CHPF: variants seen among roughly 807,000 people sequenced by gnomAD.
The protein encoded by CHPF is chondroitin polymerizing factor.
CHPF carries 34 observed loss-of-function variants against 55.1 expected under a neutral mutation model. The observed-to-expected ratio is 0.62, with a 90% CI of 0.47 to 0.82. The LOEUF (loss-of-function observed/expected upper bound fraction) is 0.82. Ranked by LOEUF, CHPF falls within the 40% of genes least tolerant of loss-of-function variation. CHPF has a pLI of 0.00. For missense variants in CHPF, 961 were observed against 1,106.1 expected (o/e 0.87, Z 1.86); for synonymous variants, 489 against 496.6 (o/e 0.98, Z 0.20).
In CHPF at chr2:219,542,205, G is replaced by A; in HGVS notation, c.315-16C>T. On this transcript the variant is annotated splice_polypyrimidine_tract_variant and intron_variant, in intron 1 of 3. Coordinates refer to ENST00000243776, the MANE Select transcript of CHPF (RefSeq NM_024536.6). ...GTAGCGGGTCCTAGGGGAGGAGATG[G>A]CACAAGCTTATCAAAAGGACAACGG... is the stretch of plus-strand genomic sequence containing the variant. 1.2e-5 allele frequency: 4 copies of A among 340,392 alleles called. No individual in the cohort carries two copies. Among genetic ancestry groups the A allele is most frequent in the East Asian group, 1.3e-4 (1 of 7,730 alleles). The allele number at this position is 340,392 out of a possible 1,614,324, so 21.1% of individuals were successfully genotyped here. A position where few individuals can be genotyped will look rare whatever the true frequency, so the allele number is the denominator to read the frequency against.
Position 219,539,105 on chromosome 2 carries a change from G to A in CHPF, c.*278C>T, listed in dbSNP as rs1695203438. On this transcript the variant is annotated 3_prime_UTR_variant, in exon 4 of 4. Transcript: ENST00000243776. ...CCAGAGGCAGGGCTGGCGTCAGGCA[G>A]ACTGTACTGCATAAATACGTGGAGG... 1 of 432,830 alleles carries A rather than the reference G, an allele frequency of 2.3e-6. No homozygotes were observed. The highest frequency in any genetic ancestry group is 4.0e-5 in the Admixed American group (1 of 25,136). The allele number at this position is 432,830 out of a possible 1,614,324, so 26.8% of individuals were successfully genotyped here. A position where few individuals can be genotyped will look rare whatever the true frequency, so the allele number is the denominator to read the frequency against.
In CHPF at chr2:219,540,037, G is replaced by A. The variant is rs1435645235; in HGVS notation, c.1674C>T (p.Ala558=). The change falls in exon 4 of 4, where the codon GCC becomes GCT. Residue 558 remains alanine (A), a synonymous_variant. Coordinates refer to ENST00000243776, the MANE Select transcript of CHPF (RefSeq NM_024536.6). ...TGACAGGTGCGAAGACATCTGCATGGGCCACGCGCTGGGCCTGGCGCGGCT... is the reference window on the plus strand; with the variant it reads ...TGACAGGTGCGAAGACATCTGCATGAGCCACGCGCTGGGCCTGGCGCGGCT... ...LYEPRQAQRV[A]HADVFAPVKA... The A allele has an allele frequency of 6.2e-7, 1 of 1,612,784 alleles. No individual in the cohort carries two copies. Among genetic ancestry groups the A allele is most frequent in the Non-Finnish European group, 8.5e-7 (1 of 1,179,604 alleles).
chr2:219,542,496 T>C (rs1015881124), intron 1 of CHPF, among the ~76,000 whole-genome samples: 5 of 152,174 alleles, frequency 3.3e-5, no homozygotes, highest in African/African-American at 1.2e-4. Flanking sequence ...ACCTGAGCCA[T>C]CTGTAAAATG....
rs757227993 is a variant in CHPF, at chr2:219,543,233, CT to C, written c.305del (p.Lys102ArgfsTer23). ...HPAQPGQAAK[K>X]AVRTRYISTE... ...GCGCAGCCGATCACTACCTGACGGC[CT>C]TTTTGGCGGCCTGGCCGGGCTGTGC... On this transcript the variant is annotated frameshift_variant, in exon 1 of 4. Transcript: ENST00000243776. LOFTEE classifies it high-confidence loss of function. 7 of 1,554,430 alleles carry C rather than the reference CT, an allele frequency of 4.5e-6. No homozygotes were observed. The highest frequency in any genetic ancestry group is 1.8e-5 in the Admixed American group (1 of 54,210).
chr2:219,539,373 C>A lies in CHPF; in HGVS notation c.*10G>T. On this transcript the variant is annotated 3_prime_UTR_variant, in exon 4 of 4. Coordinates refer to ENST00000243776, the MANE Select transcript of CHPF (RefSeq NM_024536.6). ...GTGGCCATGCCACGGCCCACGGGGACAGGGTGGGGTCAGGTGCTGTTGCCC... is the reference window on the plus strand; with the variant it reads ...GTGGCCATGCCACGGCCCACGGGGAAAGGGTGGGGTCAGGTGCTGTTGCCC... 6.3e-7 allele frequency: 1 copy of A among 1,584,052 alleles called. No individual in the cohort carries two copies.
chr2:219,541,030 A>T lies in CHPF; in HGVS notation c.984T>A (p.Arg328=). Residue 328 remains arginine (R), a synonymous_variant, in exon 3 of 4, where the codon CGT becomes CGA. Transcript: ENST00000243776. ...GCAGCTGGTACATGTGCACAGGGTC[A>T]CGCACAGGGTGGGCTGTCAGGGCAC... ...FRSALTAHPV[R]DPVHMYQLHK... is the part of the protein sequence containing the mutation. 1 of 1,613,966 alleles carries T rather than the reference A, an allele frequency of 6.2e-7. No individual in the cohort carries two copies. Among genetic ancestry groups the T allele is most frequent in the Non-Finnish European group, 8.5e-7 (1 of 1,179,940 alleles).
In CHPF at chr2:219,542,166, A is replaced by G; in HGVS notation, c.338T>C (p.Leu113Pro). Residue 113 changes from leucine to proline, a missense_variant, in exon 2 of 4, where the codon CTG becomes CCG. Coordinates refer to ENST00000243776, the MANE Select transcript of CHPF (RefSeq NM_024536.6). ...AVRTRYISTE[L>P]GIRQRLLVAV... The stretch of plus-strand genomic sequence containing the variant: ...CACCAGCAGCCTCTGCCTGATGCCC[A>G]GCTCCGTGCTGATGTAGCGGGTCCT... 7.3e-7 allele frequency: 1 copy of G among 1,362,916 alleles called. No homozygotes were observed. The highest frequency in any genetic ancestry group is 2.4e-5 in the Admixed American group (1 of 42,382). 84.4% of individuals were successfully genotyped at this position (1,362,916 alleles called of 1,614,324 possible).
In CHPF at chr2:219,539,578, G is replaced by T. The variant is rs1574498685; in HGVS notation, c.2133C>A (p.Phe711Leu). ...LLESLDVYEL[F>L]LHFSSLHVLR... ...GCACATGCAGACTGGAGAAGTGGAG[G>T]AACAGCTCGTACACATCCAGGCTCT... is the stretch of plus-strand genomic sequence containing the variant. Residue 711 changes from phenylalanine (F) to leucine (L), a missense_variant, in exon 4 of 4, where the codon TTC becomes TTA. Coordinates refer to ENST00000243776, the MANE Select transcript of CHPF (RefSeq NM_024536.6). 2.5e-6 allele frequency: 4 copies of T among 1,613,922 alleles called. No individual in the cohort carries two copies. The African/African-American group carries it at 5.3e-5, about 22-fold the overall frequency.
In CHPF at chr2:219,540,058, C is replaced by G. The variant is rs764333095; in HGVS notation, c.1653G>C (p.Pro551=). 9.3e-6 allele frequency: 15 copies of G among 1,610,930 alleles called. No homozygotes were observed. The highest frequency in any genetic ancestry group is 1.2e-5 in the Non-Finnish European group (14 of 1,178,822). ...AALTLLLLYE[P]RQAQRVAHAD... is the part of the protein sequence containing the mutation. Reference sequence around the variant, plus strand: ...CATGGGCCACGCGCTGGGCCTGGCGCGGCTCATACAGTAGCAGCAGGGTCA... The same window carrying G: ...CATGGGCCACGCGCTGGGCCTGGCGGGGCTCATACAGTAGCAGCAGGGTCA... Residue 551 remains proline, a synonymous_variant, in exon 4 of 4, where the codon CCG becomes CCC. Transcript: ENST00000243776.
Position 219,541,961 on chromosome 2 carries a change from C to T in CHPF, c.543G>A (p.Leu181=). 2 of 1,612,200 alleles carry T rather than the reference C, an allele frequency of 1.2e-6. No individual in the cohort carries two copies. The highest frequency in any genetic ancestry group is 1.1e-5 in the South Asian group (1 of 90,864). ...ERPIGHLHLA[L]RHLLEQHGDD... ...CGCCGTGCTGCTCCAGCAGGTGGCG[C>T]AGCGCCAGGTGCAGGTGTCCAATGG... Residue 181 remains leucine, a synonymous_variant, in exon 2 of 4, where the codon CTG becomes CTA. Transcript: ENST00000243776.
chr2:219,542,290 T>A (rs1473570499), intron 1 of CHPF, 101 bp from the exon 2 acceptor site: 1 of 866,496 alleles, frequency 1.2e-6, no homozygotes, highest in Non-Finnish European at 1.7e-6. Context: ...CTTCTCTGTA[T>A]CTGTTCTCTC....
chr2:219,539,680 G>C lies in CHPF; in HGVS notation c.2031C>G (p.Ala677=). The stretch of plus-strand genomic sequence containing the variant: ...CCACATAGTCGGAGTTGTAGAAGCA[G>C]GCCTCGCTGGCTGCCTGGCGATCAA... The part of the protein sequence containing the change: ...GRFDRQAASE[A]CFYNSDYVAA... Residue 677 remains alanine (A), a synonymous_variant, in exon 4 of 4, where the codon GCC becomes GCG. Transcript: ENST00000243776. The C allele has an allele frequency of 6.2e-7, 1 of 1,613,566 alleles. No homozygotes were observed. The highest frequency in any genetic ancestry group is 8.5e-7 in the Non-Finnish European group (1 of 1,179,960).
Position 219,543,793 on chromosome 2 carries a change from G to C in CHPF, c.-255C>G, listed in dbSNP as rs960502256. On this transcript the variant is annotated 5_prime_UTR_variant, in exon 1 of 4. Coordinates refer to ENST00000243776, the MANE Select transcript of CHPF (RefSeq NM_024536.6). ...TGGAGCCTCAGCCGCGGCCGCAGCTGTCCGACGTGTCACTGCAAGGGCCCC... is the reference window on the plus strand; with the variant it reads ...TGGAGCCTCAGCCGCGGCCGCAGCTCTCCGACGTGTCACTGCAAGGGCCCC... 4.4e-6 allele frequency: 2 copies of C among 458,418 alleles called. No homozygotes were observed. The highest frequency in any genetic ancestry group is 7.7e-6 in the Non-Finnish European group (2 of 259,824). The allele number at this position is 458,418 out of a possible 1,614,324, so 28.4% of individuals were successfully genotyped here.
intron 1 of CHPF, chr2:219,542,841 C>G (rs547506064): frequency 4.0e-6 from 4 of 1,008,578 alleles, no homozygotes; most frequent in Admixed American, 5.6e-5. Flanking sequence ...GCCCTTGTAA[C>G]CCACTCAGGA....
intron 1 of CHPF, chr2:219,542,916 A>C: frequency 1.6e-5 from 19 of 1,172,392 alleles, no homozygotes; most frequent in Admixed American, 4.7e-5. Flanking sequence ...CACTCACCCT[A>C]TATATAAGTC....
rs369325931 is a variant in CHPF at position 219,542,088 on chromosome 2, C to T, written c.416G>A (p.Arg139His). The T allele has an allele frequency of 2.5e-6, 4 of 1,572,006 alleles. No homozygotes were observed. The highest frequency in any genetic ancestry group is 2.7e-5 in the African/African-American group (2 of 74,512). ...TLPTLGVAVNRTLGHRLERVV... is the reference protein window; with the variant it reads ...TLPTLGVAVNHTLGHRLERVV... Reference sequence around the variant, plus strand: ...ACGCTCCAGCCGGTGCCCCAGCGTGCGGTTCACGGCCACGCCCAGCGTGGG... The same window carrying T: ...ACGCTCCAGCCGGTGCCCCAGCGTGTGGTTCACGGCCACGCCCAGCGTGGG... The change falls in exon 2 of 4, where the codon CGC becomes CAC. Residue 139 changes from arginine (R) to histidine (H), a missense_variant. By Grantham distance (29) the Arg-to-His change is conservative. Around this residue, in one of 3 missense-constraint regions of CHPF, gnomAD observed 936 missense variants for 1,058.4 expected, o/e 0.88. Coordinates refer to ENST00000243776, the MANE Select transcript of CHPF (RefSeq NM_024536.6).
At position 219,540,364 on chromosome 2, in the gene CHPF, C is replaced by T. The variant is rs1695242879; in HGVS notation, c.1347G>A (p.Val449=). 6.2e-7 allele frequency: 1 copy of T among 1,613,906 alleles called. No individual in the cohort carries two copies. The highest frequency in any genetic ancestry group is 1.7e-5 in the Admixed American group (1 of 60,016). The change falls in exon 4 of 4, where the codon GTG becomes GTA. Residue 449 remains valine (V), a synonymous_variant. Coordinates refer to ENST00000243776, the MANE Select transcript of CHPF (RefSeq NM_024536.6). ...PALRLQKQQL[V]NGYRRFDPAR... Reference sequence around the variant, plus strand: ...CCGGATCAAAGCGTCGGTAGCCATTCACCAGCTGCTGCTTCTGGAGCCGCA... The same window carrying T: ...CCGGATCAAAGCGTCGGTAGCCATTTACCAGCTGCTGCTTCTGGAGCCGCA...
At chr2:219,542,240 T>TGGGGGGGGGGGGGGGG in intron 1 of CHPF, 51 bp from the exon 2 acceptor site, 1 of 149,248 alleles carries the variant, frequency 6.7e-6, no homozygotes, top group Non-Finnish European at 1.2e-5. Context: ...GGGCGGGGGG[T>TGGGGGGGGGGGGGGGG]GGGGGGGAGG....
At position 219,543,227 on chromosome 2, in the gene CHPF, G is replaced by T. The variant is rs999452772; in HGVS notation, c.312C>A (p.Val104=). Residue 104 remains valine (V), a splice_region_variant and synonymous_variant, in exon 1 of 4, where the codon GTC becomes GTA. Transcript: ENST00000243776. ...AQPGQAAKKA[V]RTRYISTELG... ...GAGCGGGCGCAGCCGATCACTACCTGACGGCCTTTTTGGCGGCCTGGCCGG... is the reference window on the plus strand; with the variant it reads ...GAGCGGGCGCAGCCGATCACTACCTTACGGCCTTTTTGGCGGCCTGGCCGG... 4 of 1,552,088 alleles carry T rather than the reference G, an allele frequency of 2.6e-6. No homozygotes were observed. In the African/African-American group the frequency reaches 4.3e-5, roughly 17 times the overall value.
Sources: allele counts gnomAD v4.1 joint callset (sites outside exome capture counted in the v4.1 genomes callset), GRCh38; gene constraint gnomAD v4.1.1; regional missense constraint gnomAD v4.1.1; transcripts MANE v1.5; gene names NCBI Gene and HGNC (gene_info 2026-07-23, HGNC 2026-07-21).